Variants in PPHLN1 observed in about 807,000 individuals in gnomAD.
PPHLN1 encodes periphilin-1.
Under a neutral mutation model 51.3 loss-of-function variants are expected in PPHLN1, and 29 were observed. The observed-to-expected ratio is 0.57, with a 90% CI of 0.42 to 0.77. The LOEUF is 0.77. Among genes scored for constraint, PPHLN1 ranks in the 30% least tolerant of loss-of-function variants. The pLI is 0.00. For missense variants in PPHLN1, 436 were observed against 438.4 expected (o/e 0.99, Z 0.05); for synonymous variants, 147 against 147.8 (o/e 0.99, Z 0.04).
At chr12:42,389,704 C>T (rs2077518220) in intron 7 of PPHLN1, among the ~76,000 whole-genome samples, 1 of 152,156 alleles carries the variant, frequency 6.6e-6, no homozygotes, top group Non-Finnish European at 1.5e-5. Flanking sequence ...TTGCTGCAAC[C>T]CATATTCTCA....
intron 1 of PPHLN1, among the ~76,000 whole-genome samples, chr12:42,327,825 A>C (rs1473531690): frequency 6.6e-6 from 1 of 152,220 alleles, no homozygotes; most frequent in Non-Finnish European, 1.5e-5. Flanking sequence ...TATGCTGCAG[A>C]GATCAGGCAG....
At chr12:42,354,867 G>C (rs1044137167) in intron 3 of PPHLN1, among the ~76,000 whole-genome samples, 1 of 152,124 alleles carries the variant, frequency 6.6e-6, no homozygotes, top group Non-Finnish European at 1.5e-5. Flanking sequence ...TTTAGACTTT[G>C]TTCTCAAATA....
chr12:42,426,101 AAAT>A (rs2081430069), intron 9 of PPHLN1, among the ~76,000 whole-genome samples: 1 of 151,948 alleles, frequency 6.6e-6, no homozygotes, highest in African/African-American at 2.4e-5. Context: ...CTATATGGAA[AAAT>A]AATCCACGTT....
At chr12:42,348,298 T>TC (rs1565780045) in intron 2 of PPHLN1, among the ~76,000 whole-genome samples, 2 of 147,590 alleles carry the variant, frequency 1.4e-5, no homozygotes, top group East Asian at 4.0e-4. Flanking sequence ...TTTTTTTTTT[T>TC]TTTAGTAGAA....
chr12:42,336,563 T>G (rs1167849998), intron 2 of PPHLN1, among the ~76,000 whole-genome samples: 1 of 152,192 alleles, frequency 6.6e-6, no homozygotes, highest in African/African-American at 2.4e-5. Flanking sequence ...CTCTCGTTGC[T>G]CTGGGAATTG....
intron 9 of PPHLN1, among the ~76,000 whole-genome samples, chr12:42,405,847 T>C (rs1361302787): frequency 6.6e-6 from 1 of 152,174 alleles, no homozygotes; most frequent in Non-Finnish European, 1.5e-5. Context: ...TTTGTTATTA[T>C]GTTTTGCTTT....
At chr12:42,337,267 C>CTT (rs569605996) in intron 2 of PPHLN1, among the ~76,000 whole-genome samples, 4 of 131,990 alleles carry the variant, frequency 3.0e-5, no homozygotes, top group Non-Finnish European at 6.6e-5. Context: ...TTTCTTTTTT[C>CTT]TTTTTTTTTT....
intron 8 of PPHLN1, 107 bp from the exon 9 acceptor site, chr12:42,398,747 T>C: frequency 1.1e-6 from 1 of 931,664 alleles, no homozygotes; most frequent in Non-Finnish European, 1.5e-6. Context: ...TAAAACATGT[T>C]AAATCTAGCA....
intron 9 of PPHLN1, among the ~76,000 whole-genome samples, chr12:42,417,375 T>A (rs2080483482): frequency 6.6e-6 from 1 of 151,904 alleles, no homozygotes; most frequent in South Asian, 2.1e-4. Flanking sequence ...GGAGATGAGT[T>A]TGGGAAAGAG....
intron 9 of PPHLN1, 33 bp from the exon 10 acceptor site, chr12:42,441,282 T>A: frequency 6.4e-7 from 1 of 1,556,576 alleles, no homozygotes; most frequent in Non-Finnish European, 8.7e-7. Flanking sequence ...TTATTTTCAT[T>A]CTCAGCTAAC....
At chr12:42,432,076 G>A (rs947249517) in intron 9 of PPHLN1, 64 of 1,566,904 alleles carry the variant, frequency 4.1e-5, no homozygotes, top group Non-Finnish European at 5.3e-5. Context: ...GGTCCACCAC[G>A]ACCTCGACCC....
At chr12:42,366,409 G>A (rs1443359305) in intron 4 of PPHLN1, among the ~76,000 whole-genome samples, 1 of 151,952 alleles carries the variant, frequency 6.6e-6, no homozygotes, top group Non-Finnish European at 1.5e-5. Flanking sequence ...TGTATTTTTA[G>A]TAGAGACGGG....
chr12:42,417,930 TTGTTTTTTTTTTG>T (rs778815726), intron 9 of PPHLN1, among the ~76,000 whole-genome samples: 25,236 of 95,656 alleles, frequency 0.26, 3,382 homozygotes, highest in Non-Finnish European at 0.36. Context: ...GTTTTTTTTT[TTGTTTTTTTTTTG>T]TTTTTTTTTT....
At chr12:42,422,065 A>G (rs192621033) in intron 9 of PPHLN1, among the ~76,000 whole-genome samples, 3 of 152,320 alleles carry the variant, frequency 2.0e-5, no homozygotes, top group Admixed American at 2.0e-4. Flanking sequence ...ACCAGAAGTA[A>G]GAGTGCACAG....
At chr12:42,439,146 A>G (rs1256935180) in intron 9 of PPHLN1, among the ~76,000 whole-genome samples, 1 of 152,164 alleles carries the variant, frequency 6.6e-6, no homozygotes, top group Non-Finnish European at 1.5e-5. Context: ...TTCCTCTGTT[A>G]TCTTCTGTAA....
At chr12:42,445,060 C>T, downstream of PPHLN1, 1 of 702,322 alleles carries the variant, frequency 1.4e-6, no homozygotes, top group Non-Finnish European at 2.6e-6. Context: ...CTTGAAACAG[C>T]CCTCATTAAG....
intron 2 of PPHLN1, 42 bp downstream of exon 2, chr12:42,336,016 T>C (rs750279291): frequency 2.2e-6 from 3 of 1,358,712 alleles, no homozygotes; most frequent in Admixed American, 2.1e-5. Flanking sequence ...AAACCTGGTG[T>C]CTGAATTAAT....
At chr12:42,331,462 A>G (rs1464115724) in intron 1 of PPHLN1, among the ~76,000 whole-genome samples, 1 of 152,210 alleles carries the variant, frequency 6.6e-6, no homozygotes, top group Non-Finnish European at 1.5e-5. Context: ...ACTTTTGCTT[A>G]GAGTGCAAGT....
At chr12:42,348,819 T>TTTC (rs35622330) in intron 2 of PPHLN1, among the ~76,000 whole-genome samples, 24,662 of 145,192 alleles carry the variant, frequency 0.17, 2,033 homozygotes, top group Admixed American at 0.21. Context: ...TTAATGTCAG[T>TTTC]TTTTTTTTTG....
Sources: gnomAD v4.1 joint callset for allele counts (sites outside exome capture counted in the v4.1 genomes callset) on GRCh38, gnomAD v4.1.1 for gene constraint, MANE v1.5 for transcripts, NCBI Gene and HGNC (gene_info 2026-07-23, HGNC 2026-07-21) for gene names.